Variants in CDKAL1 observed in about 807,000 individuals in gnomAD.
CDKAL1 encodes threonylcarbamoyladenosine tRNA methylthiotransferase.
CDKAL1 carries 32 observed loss-of-function variants against 68.2 expected under a neutral mutation model. That is an observed-to-expected ratio of 0.47 (90% CI 0.35 to 0.63). The LOEUF is 0.63. Among genes scored for constraint, CDKAL1 ranks in the 30% least tolerant of loss-of-function variants. The pLI, the probability that CDKAL1 is intolerant of heterozygous loss-of-function variation, is 0.00. For synonymous variants in CDKAL1, 234 were observed against 244.3 expected, an observed-to-expected ratio of 0.96 and a Z score of 0.39; for missense variants, 606 against 696.7, an observed-to-expected ratio of 0.87 and a Z score of 1.47.
chr6:20,711,462 A>G (rs73377340), intron 5 of CDKAL1, among the ~76,000 whole-genome samples: 2 of 152,210 alleles, frequency 1.3e-5, no homozygotes, highest in Non-Finnish European at 2.9e-5. Context: ...TGGCTCAGCT[A>G]GTTTAGAAAA....
At chr6:20,712,973 T>G (rs1006614318) in intron 5 of CDKAL1, among the ~76,000 whole-genome samples, 1 of 152,204 alleles carries the variant, frequency 6.6e-6, no homozygotes, top group African/African-American at 2.4e-5. Context: ...TATTACAGTA[T>G]GAAACACTCT....
chr6:20,976,534 A>G (rs1765855685), intron 10 of CDKAL1, among the ~76,000 whole-genome samples: 1 of 152,190 alleles, frequency 6.6e-6, no homozygotes, highest in African/African-American at 2.4e-5. Context: ...GGTATAACAT[A>G]AATACCATAA....
chr6:20,672,194 C>A (rs1452995201), intron 5 of CDKAL1, among the ~76,000 whole-genome samples: 2 of 150,232 alleles, frequency 1.3e-5, no homozygotes, highest in East Asian at 3.9e-4. Context: ...CTCTCTCTCT[C>A]TTTCTTTCCT....
chr6:20,558,767 T>G (rs762043188), intron 4 of CDKAL1: 6 of 356,016 alleles, frequency 1.7e-5, no homozygotes, highest in Non-Finnish European at 2.2e-5. Context: ...CAATACATTT[T>G]TAAGAGTGGA....
At chr6:21,175,210 C>T (rs1232807698) in intron 13 of CDKAL1, among the ~76,000 whole-genome samples, 1 of 152,172 alleles carries the variant, frequency 6.6e-6, no homozygotes, top group Non-Finnish European at 1.5e-5. Flanking sequence ...TGCATTTACA[C>T]AGCCAAAAGA....
chr6:20,686,466 C>T (rs1008080461), intron 5 of CDKAL1, among the ~76,000 whole-genome samples: 8 of 152,204 alleles, frequency 5.3e-5, no homozygotes, highest in Non-Finnish European at 1.0e-4. Context: ...GCCTGATGAT[C>T]TGTCACTGTC....
intron 8 of CDKAL1, among the ~76,000 whole-genome samples, chr6:20,798,614 G>C (rs1031551408): frequency 2.2e-4 from 33 of 151,972 alleles, no homozygotes; most frequent in Non-Finnish European, 4.1e-4. Context: ...TCCTTTGTAG[G>C]GACATGGATG....
At chr6:20,825,020 C>CT (rs993295905) in intron 8 of CDKAL1, among the ~76,000 whole-genome samples, 1 of 152,050 alleles carries the variant, frequency 6.6e-6, no homozygotes, top group Admixed American at 6.6e-5. Context: ...TATATTTCTG[C>CT]TTTTTCCTAC....
At chr6:21,208,240 G>A (rs1440066051) in intron 15 of CDKAL1, among the ~76,000 whole-genome samples, 1 of 152,070 alleles carries the variant, frequency 6.6e-6, no homozygotes, top group African/African-American at 2.4e-5. Context: ...AGGGTGGCAT[G>A]GTTTGCTTCA....
intron 13 of CDKAL1, among the ~76,000 whole-genome samples, chr6:21,174,987 G>A (rs1777526594): frequency 6.6e-6 from 1 of 152,168 alleles, no homozygotes; most frequent in South Asian, 2.1e-4. Context: ...ATAAGGCGCT[G>A]GGCTTTCTCC....
At chr6:20,648,804 A>G (rs752602874) in intron 4 of CDKAL1, among the ~76,000 whole-genome samples, 1 of 152,326 alleles carries the variant, frequency 6.6e-6, no homozygotes, top group East Asian at 1.9e-4. Flanking sequence ...GTATATAACA[A>G]TATTTAATCA....
intron 4 of CDKAL1, among the ~76,000 whole-genome samples, chr6:20,549,158 TTC>T (rs1242545012): frequency 6.6e-6 from 1 of 152,198 alleles, no homozygotes; most frequent in Admixed American, 6.6e-5. Context: ...CTGTGACAGT[TTC>T]TTAATTTTTT....
chr6:20,974,391 T>C (rs1328647408), intron 10 of CDKAL1, among the ~76,000 whole-genome samples: 1 of 152,190 alleles, frequency 6.6e-6, no homozygotes, highest in Non-Finnish European at 1.5e-5. Context: ...TTGGGAATTT[T>C]ATTACTGAAG....
intron 11 of CDKAL1, among the ~76,000 whole-genome samples, chr6:21,062,744 T>A (rs572324057): frequency 1.3e-5 from 2 of 152,290 alleles, no homozygotes; most frequent in African/African-American, 4.8e-5. Flanking sequence ...TGTTAAGTAG[T>A]GTGTGAAGAA....
chr6:20,940,251 TATCA>T (rs1763906083), intron 9 of CDKAL1, among the ~76,000 whole-genome samples: 1 of 152,176 alleles, frequency 6.6e-6, no homozygotes, highest in Non-Finnish European at 1.5e-5. Context: ...ATCTTATATC[TATCA>T]ATCATATCAC....
intron 4 of CDKAL1, among the ~76,000 whole-genome samples, chr6:20,557,743 A>G (rs1764114601): frequency 6.6e-6 from 1 of 152,172 alleles, no homozygotes; most frequent in Non-Finnish European, 1.5e-5. Flanking sequence ...CCTGGCCAAC[A>G]TGGTGAAACC....
intron 5 of CDKAL1, among the ~76,000 whole-genome samples, chr6:20,662,311 A>C (rs999846480): frequency 6.6e-6 from 1 of 152,140 alleles, no homozygotes; most frequent in African/African-American, 2.4e-5. Context: ...ACATTAATGA[A>C]GTTATTTAGA....
chr6:20,545,735 T>G (rs985804739), intron 2 of CDKAL1, among the ~76,000 whole-genome samples: 1 of 152,228 alleles, frequency 6.6e-6, no homozygotes, highest in Non-Finnish European at 1.5e-5. Context: ...GTGCTGGGAT[T>G]ACAGGCATAA....
chr6:20,929,551 A>T (rs1050072128), intron 9 of CDKAL1, among the ~76,000 whole-genome samples: 2 of 152,212 alleles, frequency 1.3e-5, no homozygotes, highest in Admixed American at 6.5e-5. Flanking sequence ...TATGTATTTG[A>T]CGTTACTGCC....
Sources: allele counts gnomAD v4.1 joint callset (sites outside exome capture counted in the v4.1 genomes callset), GRCh38; gene constraint gnomAD v4.1.1; transcripts MANE v1.5; gene names NCBI Gene and HGNC (gene_info 2026-07-23, HGNC 2026-07-21).